The following ZFAND6 variants were observed in gnomAD, a reference collection of about 807,000 sequenced individuals.
The protein encoded by ZFAND6 is zinc finger AN1-type containing 6.
In ZFAND6, 12 loss-of-function variants were observed where a neutral mutation model predicts 24.5. That is an observed-to-expected ratio of 0.49 (90% confidence interval 0.31 to 0.79). The LOEUF (loss-of-function observed/expected upper bound fraction) is 0.79, where lower values mean the gene tolerates loss of function less well. Ranked by LOEUF, ZFAND6 falls within the 30% of genes least tolerant of loss-of-function variation. ZFAND6 has a pLI of 0.04. For synonymous variants in ZFAND6, 92 were observed against 81.5 expected (o/e 1.13, Z -0.69); for missense variants, 207 against 245.9 (o/e 0.84, Z 1.06).
intron 5 of ZFAND6, among the ~76,000 whole-genome samples, chr15:80,128,665 A>C (rs1421606945): frequency 6.6e-6 from 1 of 152,188 alleles, no homozygotes; most frequent in Non-Finnish European, 1.5e-5. Context: ...AAGTAAGCTG[A>C]GGTTACCTTA....
At chr15:80,125,674 C>A (rs1596311581) in intron 5 of ZFAND6, among the ~76,000 whole-genome samples, 1 of 152,216 alleles carries the variant, frequency 6.6e-6, no homozygotes, top group South Asian at 2.1e-4. Flanking sequence ...TTCACAAATG[C>A]TAGCTTTTAA....
At chr15:80,135,246 A>G (rs1199647650) in intron 6 of ZFAND6, among the ~76,000 whole-genome samples, 3 of 152,234 alleles carry the variant, frequency 2.0e-5, no homozygotes, top group African/African-American at 7.2e-5. Flanking sequence ...ATAAGAATAC[A>G]TTATATATTA....
chr15:80,089,270 T>G (rs1039573563), intron 1 of ZFAND6, among the ~76,000 whole-genome samples: 4 of 135,272 alleles, frequency 3.0e-5, no homozygotes, highest in Non-Finnish European at 6.5e-5. Flanking sequence ...TTTTTTTTTT[T>G]TTTTTTTTTT....
intron 4 of ZFAND6, among the ~76,000 whole-genome samples, 174 bp downstream of exon 4, chr15:80,121,994 G>A (rs1173174458): frequency 6.6e-6 from 1 of 152,108 alleles, no homozygotes; most frequent in Non-Finnish European, 1.5e-5. Flanking sequence ...TACCTTGAGG[G>A]ATCGGGGGTT....
intron 2 of ZFAND6, among the ~76,000 whole-genome samples, chr15:80,114,723 T>C (rs1297311134): frequency 6.6e-6 from 1 of 152,228 alleles, no homozygotes; most frequent in Non-Finnish European, 1.5e-5. Flanking sequence ...TGTCAGAATT[T>C]TAATAATTGG....
At position 80,125,154 on chromosome 15, in the gene ZFAND6, C is replaced by G. The variant is rs959501224; in HGVS notation, c.364+2354C>G. Among the ~76,000 whole-genome samples the G allele has an allele frequency of 3.3e-5, 5 of 152,190 alleles. 1 individual carries two copies. Among genetic ancestry groups the G allele is most frequent in the African/African-American group, 1.2e-4 (5 of 41,530 alleles). ...AAAGCTGGAACTGGAATCCAGGGAC[C>G]TAACTCATAGAGGCCAGTATTCTTA... is the stretch of plus-strand genomic sequence containing the variant. On this transcript the variant is annotated intron_variant, in intron 5 of 6. Transcript: ENST00000261749.
At chr15:80,115,782 C>T (rs2039846723) in intron 2 of ZFAND6, among the ~76,000 whole-genome samples, 2 of 151,814 alleles carry the variant, frequency 1.3e-5, no homozygotes, top group Non-Finnish European at 2.9e-5. Context: ...GGCAGTTTGA[C>T]TTGGGAAAAT....
At chr15:80,059,138 A>C (rs1392047882), upstream of ZFAND6, among the ~76,000 whole-genome samples, 1 of 152,246 alleles carries the variant, frequency 6.6e-6, no homozygotes, top group Non-Finnish European at 1.5e-5. Context: ...GCTTTCCAGT[A>C]TGCGCCCTGA....
chr15:80,123,755 T>C (rs1367201767), intron 5 of ZFAND6, among the ~76,000 whole-genome samples: 4 of 152,240 alleles, frequency 2.6e-5, no homozygotes, highest in South Asian at 4.1e-4. Flanking sequence ...ATACCTGTAG[T>C]CACAACTACT....
chr15:80,112,880 A>C (rs746586193), intron 2 of ZFAND6: 2 of 456,078 alleles, frequency 4.4e-6, no homozygotes, highest in Admixed American at 2.3e-5. Context: ...GTCAGTTAAT[A>C]AGAAAAAATT....
intron 1 of ZFAND6, among the ~76,000 whole-genome samples, chr15:80,096,596 T>C (rs2038736169): frequency 6.6e-6 from 1 of 152,256 alleles, no homozygotes; most frequent in African/African-American, 2.4e-5. Context: ...TCAGCATTAA[T>C]TAATAGTTTT....
intron 1 of ZFAND6, among the ~76,000 whole-genome samples, chr15:80,064,952 C>T (rs528544062): frequency 1.4e-4 from 21 of 149,636 alleles, no homozygotes; most frequent in African/African-American, 4.4e-4. Context: ...TTTCCTGGCT[C>T]TTCATTTACC....
chr15:80,093,395 G>C (rs990986832), intron 1 of ZFAND6, among the ~76,000 whole-genome samples: 1 of 152,102 alleles, frequency 6.6e-6, no homozygotes, highest in Non-Finnish European at 1.5e-5. Context: ...GAGGGAGGTT[G>C]CTTTCTCTAT....
At chr15:80,082,519 G>T (rs183252182) in intron 1 of ZFAND6, among the ~76,000 whole-genome samples, 2 of 152,300 alleles carry the variant, frequency 1.3e-5, no homozygotes, top group East Asian at 3.9e-4. Context: ...CTTAGGGAGA[G>T]GAATTCAAGG....
intron 6 of ZFAND6, among the ~76,000 whole-genome samples, chr15:80,132,742 C>G (rs186735018): frequency 2.0e-5 from 3 of 152,082 alleles, no homozygotes; most frequent in Admixed American, 6.5e-5. Context: ...CCATAAGACT[C>G]GTATAAAGTG....
chr15:80,091,574 T>A (rs2038374538), intron 1 of ZFAND6, among the ~76,000 whole-genome samples: 1 of 152,228 alleles, frequency 6.6e-6, no homozygotes, highest in African/African-American at 2.4e-5. Flanking sequence ...TTGCCATCGG[T>A]ATCCTTGATT....
chr15:80,096,382 C>G (rs1393306722), intron 1 of ZFAND6, among the ~76,000 whole-genome samples: 1 of 152,154 alleles, frequency 6.6e-6, no homozygotes, highest in African/African-American at 2.4e-5. Context: ...TTAATCAGTT[C>G]TACTGAAGCA....
chr15:80,102,561 G>C (rs1305920637), intron 2 of ZFAND6, among the ~76,000 whole-genome samples: 1 of 152,194 alleles, frequency 6.6e-6, no homozygotes, highest in East Asian at 1.9e-4. Context: ...ACATTTAAAT[G>C]CTAGTAGATT....
At chr15:80,074,091 G>C (rs2037131265) in intron 1 of ZFAND6, among the ~76,000 whole-genome samples, 1 of 151,874 alleles carries the variant, frequency 6.6e-6, no homozygotes, top group African/African-American at 2.4e-5. Context: ...TTTCTGATGT[G>C]TAGCCCCTTA....
Sources: gnomAD v4.1 joint callset for allele counts (sites outside exome capture counted in the v4.1 genomes callset) on GRCh38, gnomAD v4.1.1 for gene constraint, MANE v1.5 for transcripts, NCBI Gene and HGNC (gene_info 2026-07-23, HGNC 2026-07-21) for gene names.